Variants in PLPPR1 observed in about 807,000 individuals in gnomAD.
PLPPR1 encodes the protein phospholipid phosphatase-related protein type 1.
In PLPPR1, 10 loss-of-function variants were observed where a neutral mutation model predicts 33.1. That is an observed-to-expected ratio of 0.30 (90% CI 0.19 to 0.51). The LOEUF (loss-of-function observed/expected upper bound fraction) is 0.51. Ranked by LOEUF, PLPPR1 falls within the 20% of genes least tolerant of loss-of-function variation. The probability of loss-of-function intolerance (pLI) is 0.97; values close to 1 mark genes in which losing one functional copy is unlikely to be tolerated. For missense variants in PLPPR1, 304 were observed against 408.1 expected, an observed-to-expected ratio of 0.74 and a Z score of 2.20; for synonymous variants, 151 against 151.0, an observed-to-expected ratio of 1.00 and a Z score of 0.00.
chr9:101,175,436 TA>T, intron 1 of PLPPR1, among the ~76,000 whole-genome samples: 1 of 152,328 alleles, frequency 6.6e-6, no homozygotes, highest in East Asian at 1.9e-4. Context: ...TGTAGACTGC[TA>T]AAAAGTGGGT....
At chr9:101,126,777 G>T (rs1185947606) in intron 1 of PLPPR1, among the ~76,000 whole-genome samples, 1 of 152,068 alleles carries the variant, frequency 6.6e-6, no homozygotes, top group Non-Finnish European at 1.5e-5. Context: ...TCCAGTTTCT[G>T]TTCCTCACAT....
chr9:101,053,182 C>T (rs529137135), intron 1 of PLPPR1, among the ~76,000 whole-genome samples: 10 of 152,248 alleles, frequency 6.6e-5, no homozygotes, highest in Admixed American at 3.9e-4. Context: ...AAAATGCCTA[C>T]GCTTCCCATT....
At chr9:101,185,358 A>G (rs1826186684) in intron 1 of PLPPR1, 92 bp from the exon 2 acceptor site, 1 of 516,242 alleles carries the variant, frequency 1.9e-6, no homozygotes, top group African/African-American at 2.0e-5. Context: ...TTATCTAGAA[A>G]GCTGATATCT....
At chr9:101,066,709 T>G (rs1053865184) in intron 1 of PLPPR1, among the ~76,000 whole-genome samples, 1 of 152,046 alleles carries the variant, frequency 6.6e-6, no homozygotes, top group East Asian at 1.9e-4. Context: ...TGATTTTCTT[T>G]GGGCACTTCC....
At chr9:101,063,765 A>G (rs1261282280) in intron 1 of PLPPR1, among the ~76,000 whole-genome samples, 2 of 152,028 alleles carry the variant, frequency 1.3e-5, no homozygotes, top group African/African-American at 2.4e-5. Context: ...CCCATCAAAG[A>G]CACCTTTCTT....
chr9:101,056,979 C>G (rs1830285356), intron 1 of PLPPR1, among the ~76,000 whole-genome samples: 1 of 152,092 alleles, frequency 6.6e-6, no homozygotes. Flanking sequence ...ATTACTCAAC[C>G]CCCCAGCCCT....
intron 2 of PLPPR1, among the ~76,000 whole-genome samples, chr9:101,205,931 T>C (rs1272431102): frequency 6.6e-6 from 1 of 152,142 alleles, no homozygotes; most frequent in Non-Finnish European, 1.5e-5. Flanking sequence ...TAATCTTTCC[T>C]ATAACTGGGA....
At chr9:101,222,039 T>C (rs1398853153) in intron 2 of PLPPR1, among the ~76,000 whole-genome samples, 1 of 152,198 alleles carries the variant, frequency 6.6e-6, no homozygotes, top group Non-Finnish European at 1.5e-5. Context: ...TCTATAGCAA[T>C]GGTGAAGCAA....
chr9:101,142,422 C>T (rs565905627), intron 1 of PLPPR1, among the ~76,000 whole-genome samples: 1 of 152,282 alleles, frequency 6.6e-6, no homozygotes, highest in African/African-American at 2.4e-5. Flanking sequence ...GGCCTGACCC[C>T]ACATGCTTTT....
intron 1 of PLPPR1, among the ~76,000 whole-genome samples, chr9:101,164,193 T>A (rs1825814885): frequency 6.6e-6 from 1 of 152,144 alleles, no homozygotes; most frequent in Non-Finnish European, 1.5e-5. Flanking sequence ...CACTTGGGTA[T>A]AAATTCCAGC....
chr9:101,120,349 T>G (rs1410506936), intron 1 of PLPPR1, among the ~76,000 whole-genome samples: 2 of 152,246 alleles, frequency 1.3e-5, no homozygotes, highest in Non-Finnish European at 2.9e-5. Flanking sequence ...CAAGGAAAGA[T>G]AACATTTGGA....
In PLPPR1 at chr9:101,149,211, A is replaced by T. The variant is rs1831554632; in HGVS notation, c.-45-36239A>T. ...TATGTTTAAAAGGAATAATTACCAT[A>T]AAACTCTATACATTACACATCCAGA... On this transcript the variant is annotated intron_variant, in intron 1 of 7. Transcript: ENST00000374874. Among the ~76,000 whole-genome samples the T allele has an allele frequency of 2.0e-5, 3 of 152,238 alleles. No homozygotes were observed. In the South Asian group the frequency reaches 6.2e-4, roughly 31 times the overall value.
chr9:101,228,983 G>GTGTT (rs1827129311), intron 2 of PLPPR1, among the ~76,000 whole-genome samples: 1 of 128,828 alleles, frequency 7.8e-6, no homozygotes, highest in Admixed American at 1.0e-4. Flanking sequence ...TTAATATAAA[G>GTGTT]TGTTTCATGG....
chr9:101,035,144 T>C (rs1025800925), intron 1 of PLPPR1, among the ~76,000 whole-genome samples: 2 of 152,188 alleles, frequency 1.3e-5, no homozygotes, highest in Admixed American at 6.5e-5. Flanking sequence ...TCTTTGGTAC[T>C]GAGGGACATA....
chr9:101,260,330 C>T (rs1827876139), intron 2 of PLPPR1, among the ~76,000 whole-genome samples: 1 of 152,024 alleles, frequency 6.6e-6, no homozygotes, highest in Non-Finnish European at 1.5e-5. Context: ...TCTTTAGCAG[C>T]AGGGTAAATG....
chr9:101,215,899 A>G (rs1005612044), intron 2 of PLPPR1, among the ~76,000 whole-genome samples: 1 of 152,148 alleles, frequency 6.6e-6, no homozygotes, highest in Middle Eastern at 3.2e-3. Context: ...GCTGATGGAC[A>G]CCTAGGTTGC....
At chr9:101,229,690 TACA>T (rs1827143516) in intron 2 of PLPPR1, among the ~76,000 whole-genome samples, 1 of 152,262 alleles carries the variant, frequency 6.6e-6, no homozygotes, top group African/African-American at 2.4e-5. Flanking sequence ...TTTGAGTTTC[TACA>T]ACAAGATCTT....
intron 2 of PLPPR1, among the ~76,000 whole-genome samples, chr9:101,231,033 C>T (rs1049106284): frequency 6.6e-6 from 1 of 151,820 alleles, no homozygotes; most frequent in Non-Finnish European, 1.5e-5. Flanking sequence ...TGATATTTGT[C>T]CTCTGTCATA....
intron 2 of PLPPR1, among the ~76,000 whole-genome samples, chr9:101,244,228 C>G (rs1455518928): frequency 3.3e-5 from 5 of 151,712 alleles, no homozygotes; most frequent in Non-Finnish European, 5.9e-5. Context: ...CCCCATGTAG[C>G]TTTGCAGTGT....
Sources: gnomAD v4.1 joint callset for allele counts (sites outside exome capture counted in the v4.1 genomes callset) on GRCh38, gnomAD v4.1.1 for gene constraint, MANE v1.5 for transcripts, NCBI Gene and HGNC (gene_info 2026-07-23, HGNC 2026-07-21) for gene names.